The following TREML1 variants were observed in gnomAD, a reference collection of about 807,000 sequenced individuals.
TREML1 encodes the protein triggering receptor expressed on myeloid cells like 1.
TREML1 carries 27 observed loss-of-function variants against 22.8 expected under a neutral mutation model. The observed-to-expected ratio is 1.19, with a 90% CI of 0.87 to 1.64. The LOEUF is 1.64. Ranked by LOEUF, TREML1 falls within the 40% of genes most tolerant of loss-of-function variation. TREML1 has a pLI of 0.00. For synonymous variants in TREML1, 153 were observed against 161.9 expected (o/e 0.94, Z 0.42); for missense variants, 356 against 382.0 (o/e 0.93, Z 0.57).
Position 41,149,451 on chromosome 6 carries a change from G to T in TREML1, c.*153C>A. 1 of 824,156 alleles carries T rather than the reference G, an allele frequency of 1.2e-6. No individual in the cohort carries two copies. The highest frequency in any genetic ancestry group is 1.9e-6 in the Non-Finnish European group (1 of 532,242). 51.1% of individuals were successfully genotyped at this position (824,156 alleles called of 1,614,324 possible). ...CCCAAGACATCTCAGTCATGTCTGAGCGTCACTTTCCCTAGTAAAGTTAGG... is the reference window on the plus strand; with the variant it reads ...CCCAAGACATCTCAGTCATGTCTGATCGTCACTTTCCCTAGTAAAGTTAGG... On this transcript the variant is annotated 3_prime_UTR_variant, in exon 6 of 6. Coordinates refer to ENST00000426005, the MANE Select transcript of TREML1 (RefSeq NM_178174.4).
Position 41,153,671 on chromosome 6 carries a change from C to G in TREML1, c.376+87G>C, listed in dbSNP as rs770623939. ...GGAATGCCTCCTCCCCAGGGGCCCC[C>G]ACTCCTCAAGAACCCATGAGCCCTG... On this transcript the variant is annotated intron_variant, in intron 2 of 5. Coordinates refer to ENST00000426005, the MANE Select transcript of TREML1 (RefSeq NM_178174.4). The G allele has an allele frequency of 2.2e-4, 304 of 1,392,102 alleles. 1 individual carries two copies. The highest frequency in any genetic ancestry group is 2.9e-4 in the Non-Finnish European group (293 of 1,022,708). The allele number at this position is 1,392,102 out of a possible 1,614,324, so 86.2% of individuals were successfully genotyped here.
intron 4 of TREML1, 147 bp from the exon 5 acceptor site, chr6:41,150,460 C>T: frequency 1.4e-6 from 1 of 740,018 alleles, no homozygotes; most frequent in Non-Finnish European, 2.2e-6. Flanking sequence ...TTACCCCTTC[C>T]ATCTCCCCAG....
chr6:41,152,732 G>A (rs1422606652), intron 2 of TREML1, among the ~76,000 whole-genome samples: 1 of 152,046 alleles, frequency 6.6e-6, no homozygotes, highest in Non-Finnish European at 1.5e-5. Context: ...AATTAGCTGG[G>A]CATGGTGGTG....
chr6:41,151,732 C>T (rs961284645), intron 2 of TREML1: 1 of 266,948 alleles, frequency 3.7e-6, no homozygotes, highest in African/African-American at 2.1e-5. Flanking sequence ...TGTAAAAACA[C>T]CTACTGGATG....
In TREML1 at chr6:41,149,930, G is replaced by A; in HGVS notation, c.622-12C>T. 6.2e-7 allele frequency: 1 copy of A among 1,608,142 alleles called. No homozygotes were observed. Among genetic ancestry groups the A allele is most frequent in the Non-Finnish European group, 8.5e-7 (1 of 1,176,304 alleles). On this transcript the variant is annotated splice_polypyrimidine_tract_variant and intron_variant, in intron 5 of 5. Coordinates refer to ENST00000426005, the MANE Select transcript of TREML1 (RefSeq NM_178174.4). ...ACTGAGGAGGGATTCTGTAACAAAA[G>A]CAGGCAAGTCAGGAATGCCTCCCTC...
Position 41,149,773 on chromosome 6 carries a change from T to G in TREML1, c.767A>C (p.Lys256Thr), listed in dbSNP as rs767033069. The change falls in exon 6 of 6, where the codon AAA becomes ACA. Residue 256 changes from lysine to threonine, a missense_variant. Transcript: ENST00000426005. ...TSLPLDSPSGKPSLPAPSSLP... is the reference protein window; with the variant it reads ...TSLPLDSPSGTPSLPAPSSLP... ...TGAGGATGGAGCTGGGAGTGAAGGT[T>G]TTCCTGATGGGGAATCAAGAGGTAG... 1 of 1,614,096 alleles carries G rather than the reference T, an allele frequency of 6.2e-7. No individual in the cohort carries two copies. The highest frequency in any genetic ancestry group is 8.5e-7 in the Non-Finnish European group (1 of 1,180,020).
chr6:41,151,039 C>T, intron 3 of TREML1, 132 bp from the exon 4 acceptor site: 1 of 802,312 alleles, frequency 1.2e-6, no homozygotes, highest in South Asian at 1.6e-5. Context: ...ATGAGGGGAG[C>T]TGACTGAGGT....
Position 41,151,587 on chromosome 6 carries a change from C to G in TREML1, c.377-203G>C, listed in dbSNP as rs1012134296. On this transcript the variant is annotated intron_variant, in intron 2 of 5. Transcript: ENST00000426005. ...CACAGATCAGGAAATGGCACTGGCT[C>G]TTTATGTCTTTACCTGGTTGTGACT... 1.0e-5 allele frequency: 6 copies of G among 574,114 alleles called. No homozygotes were observed. In the African/African-American group the frequency reaches 1.1e-4, roughly 11 times the overall value. The allele number at this position is 574,114 out of a possible 1,614,324, so 35.6% of individuals were successfully genotyped here.
At chr6:41,150,560 C>T (rs540974415) in intron 4 of TREML1, among the ~76,000 whole-genome samples, 3 of 152,286 alleles carry the variant, frequency 2.0e-5, no homozygotes, top group Admixed American at 6.5e-5. Flanking sequence ...ACCCTTTCCC[C>T]ACCTTCTCCA....
chr6:41,153,757 C>T lies in TREML1; in HGVS notation c.376+1G>A, dbSNP rs1486776428. The T allele has an allele frequency of 2.5e-6, 4 of 1,600,922 alleles. No homozygotes were observed. Among genetic ancestry groups the T allele is most frequent in the Middle Eastern group, 1.7e-4 (1 of 5,996 alleles). ...GTGGTAGCTGGCCTAGGATAACTCA[C>T]CTGGGGGCAGTATGTTCAGAGAGAC... On this transcript the variant is annotated splice_donor_variant, in intron 2 of 5. Transcript: ENST00000426005. LOFTEE classifies it high-confidence loss of function.
rs1037752861 is a variant in TREML1 at position 41,151,543 on chromosome 6, C to T, written c.377-159G>A. 14 of 627,580 alleles carry T rather than the reference C, an allele frequency of 2.2e-5. No individual in the cohort carries two copies. In the African/African-American group the frequency reaches 2.6e-4, roughly 11 times the overall value. 38.9% of individuals were successfully genotyped at this position (627,580 alleles called of 1,614,324 possible). On this transcript the variant is annotated intron_variant, in intron 2 of 5. Coordinates refer to ENST00000426005, the MANE Select transcript of TREML1 (RefSeq NM_178174.4). ...CACAGAAAGGGGAGGCTGGGATGTT[C>T]TTTAGGGGCCTGTCACTCCACAGAT...
At position 41,149,430 on chromosome 6, in the gene TREML1, A is replaced by G; in HGVS notation, c.*174T>C. On this transcript the variant is annotated 3_prime_UTR_variant, in exon 6 of 6. Transcript: ENST00000426005. ...GTTGGGTGCAGGGAGGTCTTCCCCAAGACATCTCAGTCATGTCTGAGCGTC... is the reference window on the plus strand; with the variant it reads ...GTTGGGTGCAGGGAGGTCTTCCCCAGGACATCTCAGTCATGTCTGAGCGTC... The G allele has an allele frequency of 1.4e-6, 1 of 695,168 alleles. No individual in the cohort carries two copies. Among genetic ancestry groups the G allele is most frequent in the Non-Finnish European group, 2.3e-6 (1 of 426,440 alleles). The allele number at this position is 695,168 out of a possible 1,614,324, so 43.1% of individuals were successfully genotyped here. A position where few individuals can be genotyped will look rare whatever the true frequency, so the allele number is the denominator to read the frequency against.
chr6:41,154,323 C>G lies in TREML1; in HGVS notation c.-35G>C, dbSNP rs1229072054. ...GAGAAATGTCAACTCCTGGGCTTGC[C>G]TGGGCACTGATGCAGCATTCGCCTG... On this transcript the variant is annotated 5_prime_UTR_variant, in exon 1 of 6. Coordinates refer to ENST00000426005, the MANE Select transcript of TREML1 (RefSeq NM_178174.4). 1.2e-6 allele frequency: 2 copies of G among 1,600,550 alleles called. No homozygotes were observed. Among genetic ancestry groups the G allele is most frequent in the Non-Finnish European group, 1.7e-6 (2 of 1,168,368 alleles).
rs377305449 is a variant in TREML1 at position 41,150,220 on chromosome 6, A to G, written c.621+41T>C. On this transcript the variant is annotated intron_variant, in intron 5 of 5. Transcript: ENST00000426005. ...CTCTCAGTGAGTGAGATGAATGGAAAGTCTGGGGAATTTGGCTGTGGGCCT... is the reference window on the plus strand; with the variant it reads ...CTCTCAGTGAGTGAGATGAATGGAAGGTCTGGGGAATTTGGCTGTGGGCCT... 148 of 1,608,946 alleles carry G rather than the reference A, an allele frequency of 9.2e-5. 1 individual carries two copies. The highest frequency in any genetic ancestry group is 5.7e-4 in the South Asian group (52 of 90,710).
At chr6:41,152,466 A>G in intron 2 of TREML1, among the ~76,000 whole-genome samples, 1 of 152,208 alleles carries the variant, frequency 6.6e-6, no homozygotes, top group East Asian at 1.9e-4. Flanking sequence ...TGAGGAGGGC[A>G]AAGGATGACA....
chr6:41,151,620 C>G, intron 2 of TREML1: 1 of 526,752 alleles, frequency 1.9e-6, no homozygotes. Flanking sequence ...ACTACACCCA[C>G]TTTTCCCTCT....
rs1200886776 is a variant in TREML1 at position 41,151,269 on chromosome 6, A to G, written c.479+13T>C. 2 of 1,612,868 alleles carry G rather than the reference A, an allele frequency of 1.2e-6. No homozygotes were observed. Among genetic ancestry groups the G allele is most frequent in the South Asian group, 1.1e-5 (1 of 91,058 alleles). Reference sequence around the variant, plus strand: ...CCCTTCTCCTGGCCTCCCAAATCCAATCCTGTCAGTACCTCTTCTCATCCT... The same window carrying G: ...CCCTTCTCCTGGCCTCCCAAATCCAGTCCTGTCAGTACCTCTTCTCATCCT... On this transcript the variant is annotated intron_variant, in intron 3 of 5. Transcript: ENST00000426005.
chr6:41,151,142 G>A, intron 3 of TREML1, 140 bp downstream of exon 3: 1 of 763,636 alleles, frequency 1.3e-6, no homozygotes, highest in South Asian at 1.6e-5. Context: ...GTATGTATCT[G>A]TCTGTCTGTC....
At position 41,150,307 on chromosome 6, in the gene TREML1, C is replaced by G; in HGVS notation, c.575G>C (p.Arg192Thr). 1 of 1,614,042 alleles carries G rather than the reference C, an allele frequency of 6.2e-7. No homozygotes were observed. Among genetic ancestry groups the G allele is most frequent in the South Asian group, 1.1e-5 (1 of 91,056 alleles). Residue 192 changes from arginine to threonine, a missense_variant, in exon 5 of 6, where the codon AGG becomes ACG. Transcript: ENST00000426005. ...CAGGAATCGGCCACAGACACCAAGC[C>G]TGTTCCCTGGCAGGACAGACAACAG... ...AVMAKRKQGN[R>T]LGVCGRFLSS...
Sources: gnomAD v4.1 joint callset for allele counts (sites outside exome capture counted in the v4.1 genomes callset) on GRCh38, gnomAD v4.1.1 for gene constraint, MANE v1.5 for transcripts, NCBI Gene and HGNC (gene_info 2026-07-23, HGNC 2026-07-21) for gene names.